TEX9: variants seen among roughly 807,000 people sequenced by gnomAD.
TEX9 encodes the protein testis expressed 9.
In TEX9, 74 loss-of-function variants were observed where a neutral mutation model predicts 59.6. The observed-to-expected ratio is 1.24, with a 90% CI of 1.03 to 1.51. TEX9 has a LOEUF of 1.51. Ranked by LOEUF, TEX9 falls within the 40% of genes most tolerant of loss-of-function variation. TEX9 has a pLI of 0.00. For synonymous variants in TEX9, 186 were observed against 152.2 expected, an observed-to-expected ratio of 1.22 and a Z score of -1.64; for missense variants, 522 against 447.8, an observed-to-expected ratio of 1.17 and a Z score of -1.49.
chr15:56,316,454 G>A (rs1373730368), intron 1 of TEX9, among the ~76,000 whole-genome samples: 2 of 149,444 alleles, frequency 1.3e-5, no homozygotes, highest in South Asian at 2.2e-4. Flanking sequence ...CTCCCAGTTA[G>A]GCTGCTCGGG....
chr15:56,308,445 T>C (rs1010978262), intron 1 of TEX9, among the ~76,000 whole-genome samples: 12 of 152,226 alleles, frequency 7.9e-5, no homozygotes, highest in African/African-American at 2.9e-4. Context: ...GAGTGCTTTA[T>C]TCTGGATATT....
intron 9 of TEX9, among the ~76,000 whole-genome samples, chr15:56,404,043 A>G (rs893050255): frequency 3.9e-5 from 6 of 152,246 alleles, no homozygotes; most frequent in East Asian, 1.9e-4. Context: ...AAGAAAACCT[A>G]TGCAGTACCA....
chr15:56,265,823 A>C (rs1312375485), intron 1 of TEX9, among the ~76,000 whole-genome samples: 1 of 152,144 alleles, frequency 6.6e-6, no homozygotes, highest in African/African-American at 2.4e-5. Context: ...TGGGTGGCCT[A>C]TTATATGAAT....
At chr15:56,295,141 G>C (rs533217237) in intron 1 of TEX9, among the ~76,000 whole-genome samples, 36 of 152,112 alleles carry the variant, frequency 2.4e-4, no homozygotes, top group African/African-American at 8.4e-4. Context: ...GCAGTATCCA[G>C]AAACAGACAC....
downstream of TEX9, among the ~76,000 whole-genome samples, chr15:56,450,394 G>A (rs1305579107): frequency 2.0e-5 from 3 of 152,026 alleles, no homozygotes; most frequent in African/African-American, 7.2e-5. Flanking sequence ...GAGAAATGCT[G>A]CACCTCTTAA....
intron 2 of TEX9, among the ~76,000 whole-genome samples, chr15:56,373,156 A>G (rs1480092625): frequency 6.6e-6 from 1 of 152,120 alleles, no homozygotes; most frequent in Non-Finnish European, 1.5e-5. Context: ...AGTTGAACTC[A>G]CCCAGCTTAT....
intron 12 of TEX9, chr15:56,443,841 TTTG>T: frequency 6.3e-7 from 1 of 1,598,846 alleles, no homozygotes; most frequent in Non-Finnish European, 8.5e-7. Flanking sequence ...TTTTCTAACT[TTTG>T]TTGTTTTTCC....
At chr15:56,339,964 T>C (rs1445495238) in intron 1 of TEX9, among the ~76,000 whole-genome samples, 1 of 152,030 alleles carries the variant, frequency 6.6e-6, no homozygotes, top group Non-Finnish European at 1.5e-5. Context: ...CAGTCTGTGG[T>C]ATTTTGTTAT....
At chr15:56,428,563 A>G (rs1302414144) in intron 12 of TEX9, 4 of 644,342 alleles carry the variant, frequency 6.2e-6, no homozygotes, top group Non-Finnish European at 1.0e-5. Flanking sequence ...AAAGCAAAAT[A>G]ATTTCAAAGA....
intron 1 of TEX9, among the ~76,000 whole-genome samples, chr15:56,316,494 G>T (rs1488204521): frequency 1.3e-5 from 2 of 150,084 alleles, no homozygotes; most frequent in African/African-American, 4.9e-5. Flanking sequence ...ACTTGAGGAG[G>T]CAGTCTGCCC....
At chr15:56,365,294 A>T (rs975155413), upstream of TEX9, 5 of 971,372 alleles carry the variant, frequency 5.1e-6, no homozygotes, top group Non-Finnish European at 7.4e-6. Context: ...GAGTGCTGCG[A>T]GCAAAGGCCG....
At chr15:56,316,871 C>G (rs1195986072) in intron 1 of TEX9, among the ~76,000 whole-genome samples, 2 of 152,196 alleles carry the variant, frequency 1.3e-5, no homozygotes, top group Non-Finnish European at 2.9e-5. Flanking sequence ...TTTTTAAGCC[C>G]GTCGGAAAAG....
At chr15:56,293,001 T>C (rs137980379) in intron 1 of TEX9, among the ~76,000 whole-genome samples, 20 of 152,316 alleles carry the variant, frequency 1.3e-4, no homozygotes, top group African/African-American at 4.8e-4. Flanking sequence ...TGCACAAGAA[T>C]CCTGTCTCAA....
intron 1 of TEX9, among the ~76,000 whole-genome samples, chr15:56,334,837 T>C (rs1007095024): frequency 2.0e-5 from 3 of 152,260 alleles, no homozygotes; most frequent in East Asian, 1.9e-4. Flanking sequence ...TTTTTTTAAA[T>C]GGGCAAAGGA....
At chr15:56,271,439 C>T (rs1241496002) in intron 1 of TEX9, among the ~76,000 whole-genome samples, 1 of 152,090 alleles carries the variant, frequency 6.6e-6, no homozygotes, top group Admixed American at 6.5e-5. Context: ...GCTACTGAAG[C>T]TTGTGCATGC....
intron 3 of TEX9, among the ~76,000 whole-genome samples, chr15:56,379,093 GAA>G (rs1288910315): frequency 7.8e-6 from 1 of 127,906 alleles, no homozygotes; most frequent in Non-Finnish European, 1.8e-5. Flanking sequence ...AAGAAAGAAA[GAA>G]AAAAAAAGAA....
intron 9 of TEX9, chr15:56,408,595 C>G (rs2049191370): frequency 6.6e-6 from 1 of 151,860 alleles, no homozygotes; most frequent in Non-Finnish European, 1.5e-5. Flanking sequence ...TGTTAAACTT[C>G]ACATGTCCTA....
At chr15:56,332,472 G>A (rs1446184872) in intron 1 of TEX9, among the ~76,000 whole-genome samples, 3 of 138,518 alleles carry the variant, frequency 2.2e-5, no homozygotes, top group Non-Finnish European at 4.6e-5. Context: ...ACTGTCGTGG[G>A]GTGGGGGGAG....
chr15:56,325,803 G>A (rs966090279), intron 1 of TEX9, among the ~76,000 whole-genome samples: 5 of 152,250 alleles, frequency 3.3e-5, no homozygotes, highest in African/African-American at 1.2e-4. Flanking sequence ...TATTAATAAT[G>A]AGAAAATTTA....
Sources: allele counts gnomAD v4.1 joint callset (sites outside exome capture counted in the v4.1 genomes callset), GRCh38; gene constraint gnomAD v4.1.1; transcripts MANE v1.5; gene names NCBI Gene and HGNC (gene_info 2026-07-23, HGNC 2026-07-21).